Variants in NLK observed in about 807,000 individuals in gnomAD.
NLK encodes the protein nemo like kinase, also known as serine/threonine-protein kinase NLK.
Under a neutral mutation model 59.0 loss-of-function variants are expected in NLK, and 11 were observed. The observed-to-expected ratio is 0.19, with a 90% CI of 0.12 to 0.31. The LOEUF is 0.31. NLK is among the 10% of genes least tolerant of loss of function. The pLI, the probability that NLK is intolerant of heterozygous loss-of-function variation, is 1.00. For synonymous variants in NLK, 235 were observed against 235.9 expected (o/e 1.00, Z 0.03); for missense variants, 410 against 661.1 (o/e 0.62, Z 4.16).
chr17:28,096,367 G>A (rs916992081), intron 1 of NLK, among the ~76,000 whole-genome samples: 3 of 152,158 alleles, frequency 2.0e-5, no homozygotes, highest in Non-Finnish European at 4.4e-5. Flanking sequence ...GAAAATGTAA[G>A]CTAACCAAAA....
chr17:28,060,153 A>G (rs1567701816), intron 1 of NLK, among the ~76,000 whole-genome samples: 1 of 152,206 alleles, frequency 6.6e-6, no homozygotes, highest in Non-Finnish European at 1.5e-5. Flanking sequence ...AATAAAGTTT[A>G]TATTCATTAT....
intron 7 of NLK, among the ~76,000 whole-genome samples, chr17:28,182,972 A>G (rs2142067076): frequency 6.6e-6 from 1 of 152,358 alleles, no homozygotes; most frequent in South Asian, 2.1e-4. Context: ...CAAGAAGCCC[A>G]GGAACTATGA....
chr17:28,157,751 G>C (rs576408825), intron 3 of NLK, among the ~76,000 whole-genome samples: 1 of 152,162 alleles, frequency 6.6e-6, no homozygotes, highest in African/African-American at 2.4e-5. Flanking sequence ...CTATGTAACC[G>C]TAGGTAGGTT....
At chr17:28,085,999 C>T (rs1473129410) in intron 1 of NLK, among the ~76,000 whole-genome samples, 1 of 152,142 alleles carries the variant, frequency 6.6e-6, no homozygotes, top group Non-Finnish European at 1.5e-5. Flanking sequence ...TGACAAAAAT[C>T]ACCTAATGAC....
downstream of NLK, among the ~76,000 whole-genome samples, chr17:28,198,877 T>G (rs1909551263): frequency 3.3e-5 from 5 of 152,192 alleles, no homozygotes; most frequent in Non-Finnish European, 1.5e-5. Context: ...AGAAAACCCC[T>G]GGAAAGTAAA....
At chr17:28,065,695 T>C (rs1909801680) in intron 1 of NLK, among the ~76,000 whole-genome samples, 1 of 152,198 alleles carries the variant, frequency 6.6e-6, no homozygotes, top group Admixed American at 6.5e-5. Context: ...CCAAACTTTA[T>C]TACAAATTGG....
intron 1 of NLK, among the ~76,000 whole-genome samples, chr17:28,055,665 T>C (rs1909416994): frequency 6.6e-6 from 1 of 152,134 alleles, no homozygotes; most frequent in East Asian, 1.9e-4. Context: ...TTAAATGAAT[T>C]ATTATATATT....
chr17:28,131,707 CA>C (rs957676115), intron 2 of NLK, among the ~76,000 whole-genome samples: 2 of 151,466 alleles, frequency 1.3e-5, no homozygotes, highest in Admixed American at 1.3e-4. Context: ...TGGTATTTCT[CA>C]TTAGCTTAGC....
At chr17:28,157,198 A>T (rs929178760) in intron 3 of NLK, among the ~76,000 whole-genome samples, 86 of 139,268 alleles carry the variant, frequency 6.2e-4, no homozygotes, top group East Asian at 3.7e-3. Context: ...TAAAAAAAAA[A>T]TTTTTTTTTT....
intron 1 of NLK, among the ~76,000 whole-genome samples, chr17:28,087,713 T>G (rs571618757): frequency 1.3e-5 from 2 of 152,018 alleles, no homozygotes; most frequent in African/African-American, 2.4e-5. Context: ...TTATTTATTT[T>G]CTGTTCAAAA....
intron 4 of NLK, 60 bp from the exon 5 acceptor site, chr17:28,163,483 A>T (rs1301576064): frequency 4.1e-6 from 4 of 982,962 alleles, no homozygotes; most frequent in South Asian, 1.5e-5. Context: ...GGTTTTTTTT[A>T]AATTATTGGT....
chr17:28,081,373 T>C (rs1353941549), intron 1 of NLK, among the ~76,000 whole-genome samples: 3 of 152,008 alleles, frequency 2.0e-5, no homozygotes, highest in Non-Finnish European at 2.9e-5. Context: ...AAAATTTAAT[T>C]TTTTTTAGAG....
At chr17:28,119,604 A>T (rs969582305) in intron 1 of NLK, among the ~76,000 whole-genome samples, 1 of 152,194 alleles carries the variant, frequency 6.6e-6, no homozygotes, top group Non-Finnish European at 1.5e-5. Context: ...ACTGTTAAAG[A>T]TATTAAAATT....
intron 7 of NLK, among the ~76,000 whole-genome samples, chr17:28,179,107 C>G (rs1482850663): frequency 2.6e-5 from 4 of 152,176 alleles, no homozygotes; most frequent in African/African-American, 9.7e-5. Context: ...CACCCACTCA[C>G]TCCCACATTG....
chr17:28,145,640 C>T (rs1305668245), intron 3 of NLK, among the ~76,000 whole-genome samples: 1 of 152,102 alleles, frequency 6.6e-6, no homozygotes, highest in African/African-American at 2.4e-5. Flanking sequence ...AAGTTTTTCT[C>T]CTTCTTCATT....
intron 1 of NLK, among the ~76,000 whole-genome samples, chr17:28,110,692 T>A (rs1220621003): frequency 1.3e-5 from 2 of 152,284 alleles, no homozygotes; most frequent in East Asian, 3.9e-4. Flanking sequence ...CAAACTTTTT[T>A]CTTCGTTTCT....
chr17:28,100,429 G>A (rs912679693), intron 1 of NLK, among the ~76,000 whole-genome samples: 4 of 152,144 alleles, frequency 2.6e-5, no homozygotes, highest in African/African-American at 9.7e-5. Flanking sequence ...TGCTAAATAT[G>A]TCAGTCTTTT....
At chr17:28,064,612 G>A (rs935728342) in intron 1 of NLK, among the ~76,000 whole-genome samples, 6 of 152,146 alleles carry the variant, frequency 3.9e-5, no homozygotes, top group Admixed American at 3.3e-4. Flanking sequence ...TGCCTAGGCT[G>A]TCCTTGAACT....
At chr17:28,166,608 G>A (rs1353945513) in intron 5 of NLK, among the ~76,000 whole-genome samples, 3 of 152,148 alleles carry the variant, frequency 2.0e-5, no homozygotes, top group Admixed American at 2.0e-4. Flanking sequence ...TGAGAACACT[G>A]GAGCTTAGAT....
Sources: allele counts gnomAD v4.1 joint callset (sites outside exome capture counted in the v4.1 genomes callset), GRCh38; gene constraint gnomAD v4.1.1; transcripts MANE v1.5; gene names NCBI Gene and HGNC (gene_info 2026-07-23, HGNC 2026-07-21).